Variants in NEGR1 observed in about 807,000 individuals in gnomAD.
NEGR1 encodes the protein neuronal growth regulator 1.
Under a neutral mutation model 40.9 loss-of-function variants are expected in NEGR1, and 10 were observed. That is an observed-to-expected ratio of 0.24 (90% CI 0.15 to 0.42). The LOEUF is 0.42. NEGR1 is among the 10% of genes least tolerant of loss of function. The pLI is 1.00. For missense variants in NEGR1, 352 were observed against 438.9 expected (o/e 0.80, Z 1.77); for synonymous variants, 185 against 166.8 (o/e 1.11, Z -0.84).
chr1:71,517,570 T>C lies in NEGR1; in HGVS notation c.940+75247A>G, dbSNP rs1335212623. 8.5e-3 allele frequency among the ~76,000 whole-genome samples: 1,200 copies of C among 141,204 alleles called. 9 individuals carry two copies. The highest frequency in any genetic ancestry group is 0.034 in the African/African-American group (1,111 of 33,088). The allele number at this position is 141,204 out of a possible 152,430, so 92.6% of individuals were successfully genotyped here. ...CTCAATAAATTAGGTGTTGATGGGA[T>C]GTATTTCAAAATAATAAGAGCTATC... On this transcript the variant is annotated intron_variant, in intron 6 of 6. Transcript: ENST00000357731.
At chr1:72,165,152 TA>T (rs1185922703) in intron 1 of NEGR1, among the ~76,000 whole-genome samples, 1 of 152,026 alleles carries the variant, frequency 6.6e-6, no homozygotes, top group African/African-American at 2.4e-5. Context: ...AGTGAAAGAA[TA>T]TTGGAGAGGA....
At chr1:71,663,343 T>C (rs1652133637) in intron 4 of NEGR1, among the ~76,000 whole-genome samples, 1 of 152,014 alleles carries the variant, frequency 6.6e-6, no homozygotes, top group Non-Finnish European at 1.5e-5. Flanking sequence ...TATCATGTTA[T>C]TATTTTATAT....
intron 1 of NEGR1, among the ~76,000 whole-genome samples, chr1:72,084,323 A>G (rs970714172): frequency 1.3e-5 from 2 of 152,084 alleles, no homozygotes; most frequent in African/African-American, 4.8e-5. Context: ...AGTTATTCAC[A>G]TTCTCCACTT....
chr1:71,821,320 A>G (rs1358281773), intron 2 of NEGR1, among the ~76,000 whole-genome samples: 2 of 152,040 alleles, frequency 1.3e-5, no homozygotes, highest in African/African-American at 4.8e-5. Flanking sequence ...TGCATTCCAG[A>G]GGATGTGAAA....
At chr1:71,534,025 C>T (rs750835735) in intron 6 of NEGR1, among the ~76,000 whole-genome samples, 23 of 151,592 alleles carry the variant, frequency 1.5e-4, no homozygotes, top group Non-Finnish European at 3.0e-4. Flanking sequence ...CTTCACACAG[C>T]GAGTGTGGCA....
At chr1:71,626,786 A>C (rs1425341981) in intron 4 of NEGR1, among the ~76,000 whole-genome samples, 1 of 152,002 alleles carries the variant, frequency 6.6e-6, no homozygotes, top group African/African-American at 2.4e-5. Flanking sequence ...CAATGAACTC[A>C]AACAAATTTA....
intron 1 of NEGR1, among the ~76,000 whole-genome samples, chr1:72,094,332 G>A (rs74087104): frequency 0.019 from 2,853 of 152,244 alleles, 106 homozygotes; most frequent in African/African-American, 0.065. Context: ...ATAAAAAGTA[G>A]GAGCCAGAGA....
intron 4 of NEGR1, among the ~76,000 whole-genome samples, chr1:71,637,795 T>C (rs995011518): frequency 9.9e-5 from 15 of 151,918 alleles, no homozygotes; most frequent in Non-Finnish European, 1.9e-4. Flanking sequence ...GGAGAAGGCA[T>C]GCAGAGGTCA....
At chr1:72,106,148 C>G (rs1411972264) in intron 1 of NEGR1, among the ~76,000 whole-genome samples, 1 of 151,998 alleles carries the variant, frequency 6.6e-6, no homozygotes, top group African/African-American at 2.4e-5. Context: ...AGTTAAAGAA[C>G]ATTTAAGAAT....
chr1:72,223,024 G>T (rs1299751441), intron 1 of NEGR1, among the ~76,000 whole-genome samples: 1 of 152,076 alleles, frequency 6.6e-6, no homozygotes, highest in Non-Finnish European at 1.5e-5. Context: ...TTAAAATATG[G>T]CTAATGTGAC....
At chr1:71,795,362 T>C (rs1657282981) in intron 2 of NEGR1, among the ~76,000 whole-genome samples, 1 of 152,012 alleles carries the variant, frequency 6.6e-6, no homozygotes, top group Admixed American at 6.6e-5. Flanking sequence ...TATATCTACA[T>C]TAAAGTTTGA....
At chr1:71,543,566 T>C (rs1240241774) in intron 6 of NEGR1, among the ~76,000 whole-genome samples, 2 of 151,716 alleles carry the variant, frequency 1.3e-5, no homozygotes, top group Non-Finnish European at 2.9e-5. Flanking sequence ...AAACATAATG[T>C]GGGAGGGCAT....
intron 6 of NEGR1, among the ~76,000 whole-genome samples, chr1:71,482,838 T>C (rs1218536719): frequency 1.3e-5 from 2 of 151,876 alleles, no homozygotes; most frequent in Non-Finnish European, 2.9e-5. Context: ...AACTATATAC[T>C]GCCTGTATTA....
At chr1:71,581,213 G>T (rs564833940) in intron 6 of NEGR1, among the ~76,000 whole-genome samples, 58 of 152,198 alleles carry the variant, frequency 3.8e-4, no homozygotes, top group African/African-American at 1.3e-3. Flanking sequence ...CTTGAAATCA[G>T]CCATGGTGGG....
chr1:71,452,557 A>G (rs575208149), intron 6 of NEGR1, among the ~76,000 whole-genome samples: 11 of 152,288 alleles, frequency 7.2e-5, no homozygotes, highest in Admixed American at 3.3e-4. Flanking sequence ...CATTAAATCC[A>G]TGTCCTTTTC....
At chr1:71,809,052 A>G (rs1030866661) in intron 2 of NEGR1, among the ~76,000 whole-genome samples, 1 of 152,186 alleles carries the variant, frequency 6.6e-6, no homozygotes, top group African/African-American at 2.4e-5. Flanking sequence ...AGCTTTACCT[A>G]TTGCTTATTA....
At chr1:71,417,459 T>A (rs917234440) in intron 6 of NEGR1, among the ~76,000 whole-genome samples, 2 of 152,206 alleles carry the variant, frequency 1.3e-5, no homozygotes, top group African/African-American at 4.8e-5. Context: ...GTTGGTTCCA[T>A]CTACTGAAAA....
chr1:72,046,078 A>G (rs1046446193), intron 1 of NEGR1, among the ~76,000 whole-genome samples: 1 of 151,768 alleles, frequency 6.6e-6, no homozygotes, highest in Non-Finnish European at 1.5e-5. Flanking sequence ...TATCCCAAAA[A>G]AGGAAGACTA....
At chr1:71,704,627 T>C (rs1342384252) in intron 3 of NEGR1, among the ~76,000 whole-genome samples, 1 of 151,816 alleles carries the variant, frequency 6.6e-6, no homozygotes, top group Admixed American at 6.6e-5. Flanking sequence ...GTATATGCAA[T>C]TGCAAGAAAT....
Sources: gnomAD v4.1 joint callset for allele counts (sites outside exome capture counted in the v4.1 genomes callset) on GRCh38, gnomAD v4.1.1 for gene constraint, MANE v1.5 for transcripts, NCBI Gene and HGNC (gene_info 2026-07-23, HGNC 2026-07-21) for gene names.